Variants in PKD1L3 observed in about 807,000 individuals in gnomAD.
The protein encoded by PKD1L3 is polycystin-1-like protein 3.
PKD1L3 carries 239 observed loss-of-function variants against 184.1 expected under a neutral mutation model. The observed-to-expected ratio is 1.30, with a 90% CI of 1.17 to 1.45. The LOEUF is 1.45. Ranked by LOEUF, PKD1L3 falls within the 40% of genes most tolerant of loss-of-function variation. The pLI is 0.00. For missense variants in PKD1L3, 2,660 were observed against 2,067.2 expected, an observed-to-expected ratio of 1.29 and a Z score of -5.56; for synonymous variants, 996 against 778.8, an observed-to-expected ratio of 1.28 and a Z score of -4.64.
chr16:71,974,721 T>C (rs1028832806), intron 11 of PKD1L3, among the ~76,000 whole-genome samples: 1 of 152,166 alleles, frequency 6.6e-6, no homozygotes, highest in Non-Finnish European at 1.5e-5. Flanking sequence ...ACCTTTGGAA[T>C]TGGGAAAGGG....
At chr16:71,959,295 A>G (rs1455737482) in intron 16 of PKD1L3, among the ~76,000 whole-genome samples, 1 of 151,972 alleles carries the variant, frequency 6.6e-6, no homozygotes, top group Admixed American at 6.6e-5. Context: ...CTGTAATCCC[A>G]GCTGCTCAGG....
At chr16:71,996,904 G>A (rs931794144) in intron 2 of PKD1L3, among the ~76,000 whole-genome samples, 1 of 151,772 alleles carries the variant, frequency 6.6e-6, no homozygotes, top group Non-Finnish European at 1.5e-5. Flanking sequence ...GCTGGTAGGT[G>A]GGTAGATTTG....
intron 17 of PKD1L3, among the ~76,000 whole-genome samples, chr16:71,953,860 C>G (rs1248121887): frequency 6.6e-6 from 1 of 152,160 alleles, no homozygotes; most frequent in African/African-American, 2.4e-5. Context: ...CAAACCATAT[C>G]ACACCACATG....
intron 19 of PKD1L3, among the ~76,000 whole-genome samples, chr16:71,950,776 C>T (rs1488891597): frequency 6.8e-6 from 1 of 147,302 alleles, no homozygotes; most frequent in African/African-American, 2.5e-5. Flanking sequence ...GTCTGTCGTC[C>T]AGGCTGAGTG....
At position 71,984,104 on chromosome 16, in the gene PKD1L3, G is replaced by C. The variant is rs1189360181; in HGVS notation, c.898C>G (p.Leu300Val). 1 of 1,552,182 alleles carries C rather than the reference G, an allele frequency of 6.4e-7. No homozygotes were observed. Among genetic ancestry groups the C allele is most frequent in the Non-Finnish European group, 8.7e-7 (1 of 1,147,076 alleles). Residue 300 changes from leucine to valine, a missense_variant, in exon 6 of 30, where the codon CTA (leucine) becomes GTA (valine). Leu to Val is a conservative substitution (Grantham distance 32, BLOSUM62 1). Coordinates refer to ENST00000620267, the MANE Select transcript of PKD1L3 (RefSeq NM_181536.2). The part of the protein sequence containing the change: ...AVHGLQALNK[L>V]QEACEFLQKL... ...TGGAGGAACTCACAAGCTTCCTGTA[G>C]TTTGTTAAGAGCTTGCAAACCATGA...
At chr16:71,997,784 T>TA (rs1017459912) in intron 2 of PKD1L3, among the ~76,000 whole-genome samples, 6 of 151,442 alleles carry the variant, frequency 4.0e-5, no homozygotes, top group Non-Finnish European at 7.4e-5. Flanking sequence ...AATAAATAAA[T>TA]AAATACAACA....
chr16:71,959,571 G>T (rs1327074137), intron 16 of PKD1L3, among the ~76,000 whole-genome samples: 2 of 152,136 alleles, frequency 1.3e-5, no homozygotes, highest in African/African-American at 4.8e-5. Context: ...ACACTAGAGA[G>T]TAATTTAAAA....
intron 7 of PKD1L3, among the ~76,000 whole-genome samples, chr16:71,981,827 C>T (rs1463878093): frequency 6.6e-6 from 1 of 152,130 alleles, no homozygotes; most frequent in Non-Finnish European, 1.5e-5. Flanking sequence ...AGGTGTGAGC[C>T]ACCGGGTCCA....
At chr16:71,942,141 C>A (rs1439400062) in intron 24 of PKD1L3, among the ~76,000 whole-genome samples, 1 of 151,506 alleles carries the variant, frequency 6.6e-6, no homozygotes, top group African/African-American at 2.4e-5. Flanking sequence ...ATGGCGAAAC[C>A]CCATAAAATA....
Position 71,956,184 on chromosome 16 carries a change from A to ATTTTTTTT in PKD1L3, c.2613-1891_2613-1884dup, listed in dbSNP as rs35268514. Among the ~76,000 whole-genome samples the ATTTTTTTT allele has an allele frequency of 1.4e-3, 120 of 82,760 alleles. 3 individuals carry two copies. The highest frequency in any genetic ancestry group is 5.3e-3 in the East Asian group (11 of 2,074). 54.3% of individuals were successfully genotyped at this position (82,760 alleles called of 152,430 possible). ...ATCATTTAGCTTTAAAAAGGAAGGAATTTTTTTTTTTTTTTTTTTTTTTTG... is the reference window on the plus strand; with the variant it reads ...ATCATTTAGCTTTAAAAAGGAAGGAATTTTTTTTTTTTTTTTTTTTTTTTTTTTTTTTG... On this transcript the variant is annotated intron_variant, in intron 16 of 29. Coordinates refer to ENST00000620267, the MANE Select transcript of PKD1L3 (RefSeq NM_181536.2).
At chr16:71,980,455 G>A (rs528456635) in intron 7 of PKD1L3, among the ~76,000 whole-genome samples, 3 of 152,214 alleles carry the variant, frequency 2.0e-5, no homozygotes, top group Admixed American at 2.0e-4. Flanking sequence ...CATCCACTCA[G>A]AGTATATAAT....
intron 21 of PKD1L3, among the ~76,000 whole-genome samples, chr16:71,948,328 C>T (rs2038698564): frequency 6.6e-6 from 1 of 152,184 alleles, no homozygotes; most frequent in Admixed American, 6.5e-5. Flanking sequence ...GGTAATCCGC[C>T]TGCCTCGGCC....
chr16:71,964,839 A>C (rs1025011114), intron 15 of PKD1L3, among the ~76,000 whole-genome samples: 7 of 144,044 alleles, frequency 4.9e-5, no homozygotes, highest in Non-Finnish European at 1.1e-4. Context: ...CTCTCTCTCT[A>C]TATATATGTA....
chr16:71,991,524 T>C (rs2040589757), intron 3 of PKD1L3, among the ~76,000 whole-genome samples: 1 of 152,120 alleles, frequency 6.6e-6, no homozygotes, highest in Non-Finnish European at 1.5e-5. Flanking sequence ...GTGGAAAAAT[T>C]AGTCCCTGAT....
intron 14 of PKD1L3, 33 bp downstream of exon 14, chr16:71,967,873 C>G (rs1237805077): frequency 6.6e-7 from 1 of 1,512,586 alleles, no homozygotes; most frequent in African/African-American, 1.4e-5. Context: ...GCAGAAGACA[C>G]AAGGCAATGT....
chr16:71,993,644 G>A (rs1305815978), intron 2 of PKD1L3, among the ~76,000 whole-genome samples: 3 of 152,214 alleles, frequency 2.0e-5, no homozygotes, highest in South Asian at 2.1e-4. Flanking sequence ...TAAGGTCATC[G>A]CCAGGGTCTG....
intron 12 of PKD1L3, among the ~76,000 whole-genome samples, chr16:71,972,124 G>A (rs1450698499): frequency 1.3e-5 from 2 of 152,116 alleles, no homozygotes; most frequent in African/African-American, 4.8e-5. Context: ...GCTGAGGCAG[G>A]AGAATGGCAT....
At chr16:71,986,565 T>A in intron 4 of PKD1L3, 96 bp from the exon 5 acceptor site, 2 of 1,327,424 alleles carry the variant, frequency 1.5e-6, no homozygotes, top group Non-Finnish European at 2.0e-6. Context: ...AACTCTGTCC[T>A]ATGAGATACT....
At chr16:71,978,469 G>GTATA (rs201075633) in intron 9 of PKD1L3, 86 bp from the exon 10 acceptor site, 31 of 493,824 alleles carry the variant, frequency 6.3e-5, no homozygotes, top group East Asian at 2.8e-4. Flanking sequence ...ATATACATAT[G>GTATA]TATATATGTG....
Sources: allele counts gnomAD v4.1 joint callset (sites outside exome capture counted in the v4.1 genomes callset), GRCh38; gene constraint gnomAD v4.1.1; transcripts MANE v1.5; gene names NCBI Gene and HGNC (gene_info 2026-07-23, HGNC 2026-07-21).